The following PCDHAC1 variants were observed in gnomAD, a reference collection of about 807,000 sequenced individuals.
PCDHAC1 encodes the protein protocadherin alpha-C1.
A neutral mutation model predicts 60.0 loss-of-function variants in PCDHAC1; 42 were observed. The ratio of observed to expected loss-of-function variants is 0.70; its 90% CI spans 0.55 to 0.90. PCDHAC1 has a LOEUF of 0.90. PCDHAC1 is among the 40% of genes least tolerant of loss of function. The pLI is 0.00. For synonymous variants in PCDHAC1, 468 were observed against 499.3 expected (o/e 0.94, Z 0.84); for missense variants, 1,160 against 1,222.3 (o/e 0.95, Z 0.76).
chr5:140,944,464 G>T (rs2093661298), intron 1 of PCDHAC1, among the ~76,000 whole-genome samples: 1 of 152,158 alleles, frequency 6.6e-6, no homozygotes, highest in African/African-American at 2.4e-5. Context: ...TGGGATTACA[G>T]GTATGAGGCA....
chr5:140,975,016 G>T (rs782435284), intron 1 of PCDHAC1, among the ~76,000 whole-genome samples: 6 of 152,128 alleles, frequency 3.9e-5, no homozygotes, highest in Non-Finnish European at 8.8e-5. Context: ...AACACAGCTG[G>T]GCTGTGTTGT....
chr5:140,972,515 G>A (rs572041832), intron 1 of PCDHAC1, among the ~76,000 whole-genome samples: 1 of 152,166 alleles, frequency 6.6e-6, no homozygotes, highest in South Asian at 2.1e-4. Flanking sequence ...TTTACCCCCA[G>A]TGAGCTTATT....
intron 3 of PCDHAC1, among the ~76,000 whole-genome samples, chr5:140,998,363 A>G (rs568271579): frequency 6.6e-6 from 1 of 152,316 alleles, no homozygotes; most frequent in Admixed American, 6.5e-5. Flanking sequence ...TAACCACTGC[A>G]CACACCGTCT....
intron 3 of PCDHAC1, among the ~76,000 whole-genome samples, chr5:140,993,460 T>TCA (rs1554253699): frequency 1.6e-3 from 169 of 104,560 alleles, no homozygotes; most frequent in African/African-American, 3.8e-3. Flanking sequence ...CTTCTTTCTT[T>TCA]CTCACACACA....
chr5:140,987,034 C>T (rs782321957), intron 3 of PCDHAC1, among the ~76,000 whole-genome samples: 12 of 151,770 alleles, frequency 7.9e-5, no homozygotes, highest in Non-Finnish European at 1.6e-4. Context: ...GTCAACATGG[C>T]GAAACCCCAT....
At position 140,928,565 on chromosome 5, in the gene PCDHAC1, C is replaced by T. The variant is rs1227327620; in HGVS notation, c.1673C>T (p.Pro558Leu). 2.5e-6 allele frequency: 4 copies of T among 1,614,038 alleles called. No individual in the cohort carries two copies. The highest frequency in any genetic ancestry group is 3.4e-6 in the Non-Finnish European group (4 of 1,180,038). Residue 558 changes from proline to leucine, a missense_variant, in exon 1 of 4, where the codon CCC becomes CTC. By Grantham distance (98) the Pro-to-Leu change is moderately conservative. Around this residue, in one of 3 missense-constraint regions of PCDHAC1, gnomAD observed 1,113 missense variants for 1,163.7 expected, o/e 0.96. Transcript: ENST00000253807. Reference sequence around the variant, plus strand: ...GACAATTATCCGGTTATCTTGTTTCCCTTGCCCAGAAATGGTTCTGTCCCA... The same window carrying T: ...GACAATTATCCGGTTATCTTGTTTCTCTTGCCCAGAAATGGTTCTGTCCCA... ...RNDNYPVILF[P>L]LPRNGSVPVE... is the part of the protein sequence containing the mutation.
Position 140,978,973 on chromosome 5 carries a change from C to T in PCDHAC1, c.2458C>T (p.Arg820Cys), listed in dbSNP as rs141879545. Residue 820 changes from arginine (R) to cysteine (C), a missense_variant, in exon 2 of 4, where the codon CGT becomes TGT. This residue lies in a region of PCDHAC1 where 1,113 missense variants were observed against 1,163.7 expected (regional missense o/e 0.96). Transcript: ENST00000253807. ...GCCACGACAGCCCAACCCTGACTGG[C>T]GTTACTCTGCCTCCCTGAGAGCAGG... is the stretch of plus-strand genomic sequence containing the variant. ...AMPRQPNPDW[R>C]YSASLRAGMH... 1.5e-5 allele frequency: 24 copies of T among 1,614,060 alleles called. No individual in the cohort carries two copies. Among genetic ancestry groups the T allele is most frequent in the Middle Eastern group, 3.3e-4 (2 of 6,084 alleles).
intron 1 of PCDHAC1, among the ~76,000 whole-genome samples, chr5:140,943,311 T>C (rs1281237979): frequency 1.3e-5 from 2 of 150,340 alleles, no homozygotes. Flanking sequence ...AAGTCATTAT[T>C]AGCAATATTG....
chr5:141,008,199 T>G (rs966441661), intron 3 of PCDHAC1, among the ~76,000 whole-genome samples: 3 of 152,338 alleles, frequency 2.0e-5, no homozygotes, highest in Admixed American at 2.0e-4. Flanking sequence ...AGTAATATAA[T>G]GAACTTGACA....
intron 1 of PCDHAC1, among the ~76,000 whole-genome samples, chr5:140,948,503 A>G (rs949915439): frequency 1.4e-4 from 22 of 151,736 alleles, no homozygotes; most frequent in Middle Eastern, 3.4e-3. Flanking sequence ...TAGACTTTCT[A>G]TTAAAAATGT....
chr5:140,929,283 G>C lies in PCDHAC1; in HGVS notation c.2391G>C (p.Gln797His), dbSNP rs782178876. The change falls in exon 1 of 4, where the codon CAG (glutamine) becomes CAC (histidine). Residue 797 changes from glutamine to histidine, a missense_variant. Gln to His is a conservative substitution (Grantham distance 24). Coordinates refer to ENST00000253807, the MANE Select transcript of PCDHAC1 (RefSeq NM_018898.5). Reference protein sequence around the residue: ...VGLNLPISCIQIRNRKGDHAN... With the variant: ...VGLNLPISCIHIRNRKGDHAN... ...TGAATTTGCCAATATCCTGTATTCA[G>C]ATTCGGAATAGGAAAGGGGATCACG... 52 of 1,600,904 alleles carry C rather than the reference G, an allele frequency of 3.2e-5. No homozygotes were observed. The African/African-American group carries it at 6.7e-4, about 21-fold the overall frequency.
Position 141,011,329 on chromosome 5 carries a change from T to G in PCDHAC1, c.*1392T>G, listed in dbSNP as rs924246191. 6.5e-6 allele frequency: 1 copy of G among 153,804 alleles called. No homozygotes were observed. Among genetic ancestry groups the G allele is most frequent in the African/African-American group, 2.4e-5 (1 of 41,472 alleles). 9.5% of individuals were successfully genotyped at this position (153,804 alleles called of 1,614,324 possible). ...TTGCTAATCTTACTAACACCTATGA[T>G]GTTACCTGAAATCAATCTCCCATAT... is the stretch of plus-strand genomic sequence containing the variant. On this transcript the variant is annotated 3_prime_UTR_variant, in exon 4 of 4. Coordinates refer to ENST00000253807, the MANE Select transcript of PCDHAC1 (RefSeq NM_018898.5).
chr5:141,002,356 C>G (rs2098075572), intron 3 of PCDHAC1, among the ~76,000 whole-genome samples: 1 of 152,272 alleles, frequency 6.6e-6, no homozygotes, highest in Non-Finnish European at 1.5e-5. Flanking sequence ...CACCTCCACT[C>G]CTTTCAACTC....
At chr5:140,967,547 A>T in intron 1 of PCDHAC1, 1 of 1,613,890 alleles carries the variant, frequency 6.2e-7, no homozygotes, top group Non-Finnish European at 8.5e-7. Flanking sequence ...TGACCAGTCC[A>T]CTTATCGCGT....
chr5:140,964,949 G>A (rs1322269042), intron 1 of PCDHAC1, among the ~76,000 whole-genome samples: 1 of 152,226 alleles, frequency 6.6e-6, no homozygotes, highest in Non-Finnish European at 1.5e-5. Flanking sequence ...TAGTGAGTGT[G>A]CTTGGTTGGT....
intron 3 of PCDHAC1, 85 bp from the exon 4 acceptor site, chr5:141,009,542 T>C: frequency 6.5e-7 from 1 of 1,530,742 alleles, no homozygotes; most frequent in Admixed American, 2.1e-5. Context: ...AGCCTGCCTA[T>C]GCAGTACTCC....
chr5:140,985,887 C>A (rs765609645), intron 3 of PCDHAC1, among the ~76,000 whole-genome samples: 2 of 151,840 alleles, frequency 1.3e-5, no homozygotes, highest in Non-Finnish European at 2.9e-5. Context: ...CTACAGGCGC[C>A]CGCCACCACT....
chr5:140,934,555 CT>C (rs1355336850), intron 1 of PCDHAC1, among the ~76,000 whole-genome samples: 2 of 151,972 alleles, frequency 1.3e-5, no homozygotes, highest in African/African-American at 2.4e-5. Context: ...ATCATTTCTT[CT>C]TTTTTTTAAT....
chr5:140,952,418 A>G (rs1563257684), intron 1 of PCDHAC1, among the ~76,000 whole-genome samples: 1 of 152,090 alleles, frequency 6.6e-6, no homozygotes, highest in South Asian at 2.1e-4. Context: ...AATGTTCCGC[A>G]GATTCCTACA....
Sources: allele counts gnomAD v4.1 joint callset (sites outside exome capture counted in the v4.1 genomes callset), GRCh38; gene constraint gnomAD v4.1.1; regional missense constraint gnomAD v4.1.1; transcripts MANE v1.5; gene names NCBI Gene and HGNC (gene_info 2026-07-23, HGNC 2026-07-21).